The following WDR7 variants were observed in gnomAD, a reference collection of about 807,000 sequenced individuals.
The protein encoded by WDR7 is WD repeat domain 7.
In WDR7, 46 loss-of-function variants were observed where a neutral mutation model predicts 169.4. The ratio of observed to expected loss-of-function variants is 0.27; its 90% confidence interval spans 0.21 to 0.35. The LOEUF is 0.35. Ranked by LOEUF, WDR7 falls within the 10% of genes least tolerant of loss-of-function variation. The pLI, the probability that WDR7 is intolerant of heterozygous loss-of-function variation, is 1.00. For synonymous variants in WDR7, 612 were observed against 666.8 expected, an observed-to-expected ratio of 0.92 and a Z score of 1.27; for missense variants, 1,534 against 1,859.3, an observed-to-expected ratio of 0.83 and a Z score of 3.22.
rs367834818 is a variant in WDR7, at chr18:56,901,843, T to C, written c.3526+21678T>C. On this transcript the variant is annotated intron_variant, in intron 21 of 27. Transcript: ENST00000254442. ...TATGTTGTAAAATGTTGGAGTGCCA[T>C]CCATTTTAGCTGCGGTTGTCAGTTC... Among the ~76,000 whole-genome samples, 8 of 152,054 alleles carry C rather than the reference T, an allele frequency of 5.3e-5. No individual in the cohort carries two copies. In the East Asian group the frequency reaches 1.3e-3, roughly 26 times the overall value.
intron 20 of WDR7, among the ~76,000 whole-genome samples, chr18:56,821,199 T>C (rs1194187446): frequency 6.6e-6 from 1 of 152,010 alleles, no homozygotes; most frequent in Admixed American, 6.5e-5. Context: ...TAAATAAATA[T>C]GCAGTATATT....
chr18:56,965,151 A>G (rs534864504), intron 26 of WDR7, among the ~76,000 whole-genome samples: 1 of 152,316 alleles, frequency 6.6e-6, no homozygotes, highest in East Asian at 1.9e-4. Context: ...AGACACAGCG[A>G]TATCACATAA....
Position 56,924,125 on chromosome 18 carries a change from G to C in WDR7, c.3713+17G>C. ...ACTTGCCAAGTATGTGTGGATTCCG[G>C]TTAATTTAATTTGTCACTGTTTTTT... On this transcript the variant is annotated intron_variant, in intron 22 of 27. Coordinates refer to ENST00000254442, the MANE Select transcript of WDR7 (RefSeq NM_015285.3). The C allele has an allele frequency of 6.2e-7, 1 of 1,606,330 alleles. No homozygotes were observed. The highest frequency in any genetic ancestry group is 8.5e-7 in the Non-Finnish European group (1 of 1,177,858).
chr18:56,744,295 A>G (rs1325978031), intron 14 of WDR7, among the ~76,000 whole-genome samples: 1 of 145,842 alleles, frequency 6.9e-6, no homozygotes, highest in Non-Finnish European at 1.5e-5. Flanking sequence ...GGGTGTCTGG[A>G]TGGATATATG....
intron 20 of WDR7, among the ~76,000 whole-genome samples, chr18:56,824,604 C>T (rs1221265143): frequency 6.6e-6 from 1 of 152,194 alleles, no homozygotes; most frequent in African/African-American, 2.4e-5. Flanking sequence ...CCTTAACCTC[C>T]CTGCCCATCT....
chr18:56,832,152 G>A (rs2045321437), intron 20 of WDR7, among the ~76,000 whole-genome samples: 1 of 152,178 alleles, frequency 6.6e-6, no homozygotes, highest in Non-Finnish European at 1.5e-5. Context: ...GAGCTTGGTG[G>A]GGGCAGGGGT....
At chr18:56,930,642 G>C (rs972617758) in intron 22 of WDR7, among the ~76,000 whole-genome samples, 1 of 152,162 alleles carries the variant, frequency 6.6e-6, no homozygotes, top group South Asian at 2.1e-4. Flanking sequence ...TGAAATTGAG[G>C]ACAAATATTA....
At chr18:56,701,433 G>A (rs1157465127) in intron 12 of WDR7, among the ~76,000 whole-genome samples, 1 of 152,092 alleles carries the variant, frequency 6.6e-6, no homozygotes, top group Non-Finnish European at 1.5e-5. Context: ...GCTGTTCACA[G>A]TATAAAAATT....
chr18:57,007,200 C>T (rs1456822561), intron 26 of WDR7, among the ~76,000 whole-genome samples: 1 of 152,134 alleles, frequency 6.6e-6, no homozygotes, highest in East Asian at 1.9e-4. Context: ...ACGATAGTCT[C>T]GATCTCCTGA....
chr18:56,893,529 CTT>C (rs1246603545), intron 21 of WDR7, among the ~76,000 whole-genome samples: 1 of 151,986 alleles, frequency 6.6e-6, no homozygotes, highest in African/African-American at 2.4e-5. Context: ...ATTTTTAAGA[CTT>C]TGTTGAATGG....
At chr18:56,696,198 A>G in intron 11 of WDR7, 44 bp from the exon 12 acceptor site, 1 of 1,507,138 alleles carries the variant, frequency 6.6e-7, no homozygotes, top group East Asian at 2.3e-5. Flanking sequence ...GAAACTTGGT[A>G]AACCTTTAAT....
At chr18:56,913,349 C>G (rs974927321) in intron 21 of WDR7, among the ~76,000 whole-genome samples, 8 of 152,154 alleles carry the variant, frequency 5.3e-5, no homozygotes, top group African/African-American at 1.7e-4. Context: ...CTTCTTCTCT[C>G]TTATTATCGT....
At chr18:56,975,106 C>T (rs1023126484) in intron 26 of WDR7, among the ~76,000 whole-genome samples, 21 of 151,896 alleles carry the variant, frequency 1.4e-4, no homozygotes, top group African/African-American at 4.1e-4. Flanking sequence ...GGTGTGGTGG[C>T]GGGCGTCTAA....
chr18:56,819,958 G>T (rs1308806012), intron 20 of WDR7, among the ~76,000 whole-genome samples: 3 of 151,928 alleles, frequency 2.0e-5, no homozygotes, highest in Non-Finnish European at 4.4e-5. Flanking sequence ...GTTATTAATA[G>T]GTCATAATTA....
At chr18:56,959,851 C>A (rs2047314676) in intron 25 of WDR7, among the ~76,000 whole-genome samples, 1 of 152,158 alleles carries the variant, frequency 6.6e-6, no homozygotes. Context: ...CATCCTTCGT[C>A]TTGACAGACC....
intron 20 of WDR7, among the ~76,000 whole-genome samples, chr18:56,870,727 A>G (rs898523176): frequency 2.0e-5 from 3 of 152,266 alleles, no homozygotes; most frequent in South Asian, 2.1e-4. Context: ...GGCTGAAGCA[A>G]TCTTCCTGCC....
chr18:56,794,212 T>C (rs1480403891), intron 19 of WDR7, among the ~76,000 whole-genome samples: 1 of 151,690 alleles, frequency 6.6e-6, no homozygotes, highest in Non-Finnish European at 1.5e-5. Context: ...TTTCTTTATC[T>C]CTTCATCTTT....
At position 57,027,342 on chromosome 18, in the gene WDR7, T is replaced by C; in HGVS notation, c.*135T>C. 1.0e-6 allele frequency: 1 copy of C among 976,882 alleles called. No homozygotes were observed. The allele number at this position is 976,882 out of a possible 1,614,324, so 60.5% of individuals were successfully genotyped here. Reference sequence around the variant, plus strand: ...GCCATCCAGTGGCACGGCCGGGTCTTGTCACTTGTGCATGCTTCTCAGGGG... The same window carrying C: ...GCCATCCAGTGGCACGGCCGGGTCTCGTCACTTGTGCATGCTTCTCAGGGG... On this transcript the variant is annotated 3_prime_UTR_variant, in exon 28 of 28. Transcript: ENST00000254442.
At chr18:56,777,932 C>T (rs190865995) in intron 17 of WDR7, among the ~76,000 whole-genome samples, 21 of 152,282 alleles carry the variant, frequency 1.4e-4, no homozygotes, top group Admixed American at 6.5e-4. Context: ...ATTTGTTACA[C>T]TATTTGTTAA....
Sources: allele counts gnomAD v4.1 joint callset (sites outside exome capture counted in the v4.1 genomes callset), GRCh38; gene constraint gnomAD v4.1.1; transcripts MANE v1.5; gene names NCBI Gene and HGNC (gene_info 2026-07-23, HGNC 2026-07-21).